FHIT: variants seen among roughly 807,000 people sequenced by gnomAD.
The protein encoded by FHIT is bis(5'-adenosyl)-triphosphatase.
FHIT carries 19 observed loss-of-function variants against 17.9 expected under a neutral mutation model. The ratio of observed to expected loss-of-function variants is 1.06; its 90% CI spans 0.74 to 1.56. FHIT has a LOEUF of 1.56. Ranked by LOEUF, FHIT falls within the 40% of genes most tolerant of loss-of-function variation. The pLI is 0.00. For synonymous variants in FHIT, 81 were observed against 69.7 expected (o/e 1.16, Z -0.81); for missense variants, 248 against 189.2 (o/e 1.31, Z -1.82).
At chr3:60,806,853 G>A (rs958432425) in intron 4 of FHIT, among the ~76,000 whole-genome samples, 1 of 152,142 alleles carries the variant, frequency 6.6e-6, no homozygotes, top group African/African-American at 2.4e-5. Context: ...CAATGCAATC[G>A]CAAAGGTATC....
chr3:60,819,977 A>C (rs2106760558), intron 4 of FHIT, among the ~76,000 whole-genome samples: 1 of 152,314 alleles, frequency 6.6e-6, no homozygotes, highest in South Asian at 2.1e-4. Flanking sequence ...ACCCTTCCAG[A>C]AACAATATAT....
At chr3:61,087,070 C>T (rs2035328587) in intron 2 of FHIT, among the ~76,000 whole-genome samples, 1 of 152,100 alleles carries the variant, frequency 6.6e-6, no homozygotes, top group South Asian at 2.1e-4. Context: ...TCTTCACATG[C>T]CTGCCTCACT....
chr3:61,142,203 G>A lies in FHIT; in HGVS notation c.-164+58414C>T, dbSNP rs183915546. ...TGATTATATCTTTTTTCCAATTTTG[G>A]TTTCACTCTTAAGTATAGAAAATAT... On this transcript the variant is annotated intron_variant, in intron 2 of 9. Coordinates refer to ENST00000492590, the MANE Select transcript of FHIT (RefSeq NM_002012.4). 1.3e-3 allele frequency among the ~76,000 whole-genome samples: 196 copies of A among 151,164 alleles called. 4 individuals carry two copies. Among genetic ancestry groups the A allele is most frequent in the African/African-American group, 4.4e-3 (181 of 41,390 alleles).
chr3:60,506,210 G>C (rs1383672150), intron 5 of FHIT, among the ~76,000 whole-genome samples: 2 of 152,090 alleles, frequency 1.3e-5, no homozygotes, highest in South Asian at 2.1e-4. Flanking sequence ...ACAAACACTG[G>C]TTACATAGCA....
At chr3:60,089,322 G>A (rs1000937388) in intron 5 of FHIT, among the ~76,000 whole-genome samples, 1 of 151,850 alleles carries the variant, frequency 6.6e-6, no homozygotes, top group East Asian at 1.9e-4. Context: ...ATATTTTTGG[G>A]TTTTTTTTGT....
chr3:61,202,591 G>A (rs1271688197), intron 1 of FHIT, among the ~76,000 whole-genome samples: 7 of 151,680 alleles, frequency 4.6e-5, no homozygotes, highest in African/African-American at 9.7e-5. Flanking sequence ...TGAGTCCTCT[G>A]GAAAAAGTAT....
At chr3:60,622,904 T>G (rs1314506781) in intron 4 of FHIT, among the ~76,000 whole-genome samples, 4 of 152,236 alleles carry the variant, frequency 2.6e-5, no homozygotes, top group Admixed American at 2.6e-4. Context: ...CCCAGGCTCC[T>G]GCACCCAACC....
intron 3 of FHIT, among the ~76,000 whole-genome samples, chr3:61,005,165 T>C (rs1314261846): frequency 6.6e-6 from 1 of 152,188 alleles, no homozygotes; most frequent in African/African-American, 2.4e-5. Context: ...GAAGCTCAGA[T>C]ATGTTGCCTA....
intron 8 of FHIT, among the ~76,000 whole-genome samples, chr3:59,889,370 C>T (rs1403717559): frequency 6.6e-6 from 1 of 152,156 alleles, no homozygotes; most frequent in Non-Finnish European, 1.5e-5. Context: ...AACTGGATTC[C>T]TAAAAGGACA....
chr3:60,879,952 A>AT (rs34066354), intron 3 of FHIT, among the ~76,000 whole-genome samples: 36,142 of 151,644 alleles, frequency 0.24, 4,799 homozygotes, highest in African/African-American at 0.34. Flanking sequence ...GAAAAGATGT[A>AT]TTAAAAAAAA....
At chr3:60,646,161 G>A (rs932450420) in intron 4 of FHIT, among the ~76,000 whole-genome samples, 42 of 152,258 alleles carry the variant, frequency 2.8e-4, no homozygotes, top group African/African-American at 9.4e-4. Flanking sequence ...GCATTTAAAG[G>A]CTACTTAGCA....
intron 5 of FHIT, among the ~76,000 whole-genome samples, chr3:60,508,624 A>G (rs2034828184): frequency 6.6e-6 from 1 of 152,170 alleles, no homozygotes; most frequent in Admixed American, 6.6e-5. Flanking sequence ...AAAACAAAAA[A>G]ATAGATAATA....
chr3:60,532,139 T>C (rs2035809957), intron 5 of FHIT, among the ~76,000 whole-genome samples: 1 of 152,188 alleles, frequency 6.6e-6, no homozygotes, highest in Non-Finnish European at 1.5e-5. Context: ...GACGTATGAT[T>C]TGTAGAATAC....
intron 5 of FHIT, among the ~76,000 whole-genome samples, chr3:60,089,722 C>G (rs557354654): frequency 1.2e-4 from 18 of 152,274 alleles, no homozygotes; most frequent in African/African-American, 4.3e-4. Flanking sequence ...AATCCAAGAT[C>G]AAGGTCCTAG....
chr3:59,953,288 G>T (rs1260444794), intron 7 of FHIT, among the ~76,000 whole-genome samples: 1 of 151,828 alleles, frequency 6.6e-6, no homozygotes, highest in Non-Finnish European at 1.5e-5. Flanking sequence ...ATGTCTCTCT[G>T]TGTGAGTGTC....
At chr3:60,382,695 T>G (rs1344516675) in intron 5 of FHIT, among the ~76,000 whole-genome samples, 1 of 152,170 alleles carries the variant, frequency 6.6e-6, no homozygotes, top group African/African-American at 2.4e-5. Flanking sequence ...AGAGGTTTTT[T>G]TACCCCCACT....
intron 8 of FHIT, among the ~76,000 whole-genome samples, chr3:59,793,976 C>G (rs1699673339): frequency 6.6e-6 from 1 of 152,088 alleles, no homozygotes. Flanking sequence ...ACTTGGGGAG[C>G]ATTTTTCCAT....
rs535430695 is a variant in FHIT, at chr3:60,830,316, G to T, written c.-110-8305C>A. On this transcript the variant is annotated intron_variant, in intron 3 of 9. Transcript: ENST00000492590. ...TACACTTACTTTTCTGTAGTCTCCAGGTTCAGAGGAAAGAACTCAAAAAAG... is the reference window on the plus strand; with the variant it reads ...TACACTTACTTTTCTGTAGTCTCCATGTTCAGAGGAAAGAACTCAAAAAAG... Among the ~76,000 whole-genome samples, 3 of 152,158 alleles carry T rather than the reference G, an allele frequency of 2.0e-5. No individual in the cohort carries two copies. The South Asian group carries it at 6.2e-4, about 32-fold the overall frequency.
intron 5 of FHIT, among the ~76,000 whole-genome samples, chr3:60,510,792 TTAGCACAATGGCACA>T (rs1323697966): frequency 2.0e-5 from 3 of 152,180 alleles, no homozygotes; most frequent in Non-Finnish European, 4.4e-5. Flanking sequence ...ATTTAAGGTT[TTAGCACAATGGCACA>T]TAGGAATGAC....
Sources: allele counts gnomAD v4.1 joint callset (sites outside exome capture counted in the v4.1 genomes callset), GRCh38; gene constraint gnomAD v4.1.1; transcripts MANE v1.5; gene names NCBI Gene and HGNC (gene_info 2026-07-23, HGNC 2026-07-21).